ARHGAP42: variants seen among roughly 807,000 people sequenced by gnomAD.
ARHGAP42 encodes rho GTPase-activating protein 42.
In ARHGAP42, 63 loss-of-function variants were observed where a neutral mutation model predicts 125.0. That is an observed-to-expected ratio of 0.50 (90% CI 0.41 to 0.62). The LOEUF is 0.62. Among genes scored for constraint, ARHGAP42 ranks in the 20% least tolerant of loss-of-function variants. ARHGAP42 has a pLI of 0.00. For missense variants in ARHGAP42, 766 were observed against 1,024.2 expected (o/e 0.75, Z 3.44); for synonymous variants, 339 against 351.0 (o/e 0.97, Z 0.38).
At chr11:100,728,755 T>TATATATATATATATATATAC (rs1364139152) in intron 1 of ARHGAP42, among the ~76,000 whole-genome samples, 1 of 108,728 alleles carries the variant, frequency 9.2e-6, no homozygotes, top group Non-Finnish European at 2.0e-5. Flanking sequence ...TATATATATA[T>TATATATATATATATATATAC]ATGCACACTT....
At chr11:100,733,415 C>T (rs970010431) in intron 1 of ARHGAP42, among the ~76,000 whole-genome samples, 3 of 152,180 alleles carry the variant, frequency 2.0e-5, no homozygotes, top group African/African-American at 7.2e-5. Context: ...GAAAGGTTTG[C>T]AAACACTAAT....
chr11:100,732,118 C>T (rs1022790151), intron 1 of ARHGAP42, among the ~76,000 whole-genome samples: 8 of 152,096 alleles, frequency 5.3e-5, no homozygotes, highest in Admixed American at 1.3e-4. Context: ...ACCACATGCC[C>T]GGCTAATTTT....
chr11:100,688,905 T>C (rs1035349547), intron 1 of ARHGAP42, among the ~76,000 whole-genome samples: 9 of 152,116 alleles, frequency 5.9e-5, no homozygotes, highest in African/African-American at 2.2e-4. Flanking sequence ...TTGGGTGATC[T>C]AGTTACCCCC....
At chr11:100,913,288 T>G (rs1401941910) in intron 4 of ARHGAP42, among the ~76,000 whole-genome samples, 164 bp from the exon 5 acceptor site, 1 of 152,208 alleles carries the variant, frequency 6.6e-6, no homozygotes, top group Admixed American at 6.5e-5. Flanking sequence ...AAATGGCTTG[T>G]TTCACTTACA....
intron 3 of ARHGAP42, among the ~76,000 whole-genome samples, chr11:100,818,193 T>A (rs1283353429): frequency 2.6e-5 from 4 of 152,176 alleles, no homozygotes; most frequent in Admixed American, 2.0e-4. Flanking sequence ...CTTTTTTAAT[T>A]TTGTTAGCTT....
intron 10 of ARHGAP42, among the ~76,000 whole-genome samples, chr11:100,946,330 G>T (rs568453795): frequency 3.7e-4 from 57 of 152,122 alleles, no homozygotes; most frequent in Non-Finnish European, 7.4e-4. Context: ...GATTCCTAGC[G>T]TTTGTGTATT....
intron 1 of ARHGAP42, among the ~76,000 whole-genome samples, chr11:100,698,690 G>A (rs976481624): frequency 6.6e-6 from 1 of 151,986 alleles, no homozygotes; most frequent in Non-Finnish European, 1.5e-5. Context: ...TTAAAAAAAA[G>A]GGTCATTTTT....
chr11:100,898,052 G>A (rs940517034), intron 4 of ARHGAP42, among the ~76,000 whole-genome samples: 5 of 152,080 alleles, frequency 3.3e-5, no homozygotes, highest in Non-Finnish European at 7.4e-5. Flanking sequence ...CAGTATGAAG[G>A]GCTGCTGAAT....
intron 1 of ARHGAP42, among the ~76,000 whole-genome samples, chr11:100,705,454 T>G (rs958806092): frequency 2.4e-4 from 37 of 152,204 alleles, no homozygotes; most frequent in African/African-American, 8.9e-4. Flanking sequence ...TTTGTGAGTT[T>G]TTTTCTTTGT....
At chr11:100,887,274 G>T (rs1866114090) in intron 4 of ARHGAP42, among the ~76,000 whole-genome samples, 1 of 152,108 alleles carries the variant, frequency 6.6e-6, no homozygotes, top group Non-Finnish European at 1.5e-5. Flanking sequence ...TGATGAGTGA[G>T]ATCATCCTTG....
chr11:100,837,666 C>CTATTTTTTTTTTTTTT (rs1555008871), intron 3 of ARHGAP42, among the ~76,000 whole-genome samples: 67 of 61,064 alleles, frequency 1.1e-3, no homozygotes, highest in African/African-American at 4.7e-3. Context: ...AGGTGTCATC[C>CTATTTTTTTTTTTTTT]TTTTTTTTTT....
intron 3 of ARHGAP42, among the ~76,000 whole-genome samples, chr11:100,824,241 G>T (rs1479237518): frequency 6.6e-6 from 1 of 152,078 alleles, no homozygotes; most frequent in Non-Finnish European, 1.5e-5. Flanking sequence ...CAATAGCTTG[G>T]TGGCCACATC....
At chr11:100,867,389 A>G (rs530378006) in intron 4 of ARHGAP42, among the ~76,000 whole-genome samples, 4 of 152,346 alleles carry the variant, frequency 2.6e-5, no homozygotes, top group African/African-American at 7.2e-5. Flanking sequence ...TATCTTCTGG[A>G]TAACTTGCAG....
Position 100,933,240 on chromosome 11 carries a change from C to T in ARHGAP42, c.682C>T (p.Leu228=). 6.5e-7 allele frequency: 1 copy of T among 1,549,928 alleles called. No homozygotes were observed. Among genetic ancestry groups the T allele is most frequent in the Non-Finnish European group, 8.7e-7 (1 of 1,145,770 alleles). Residue 228 remains leucine (L), a synonymous_variant, in exon 7 of 24, where the codon CTG becomes TTG. Transcript: ENST00000298815. ...AQEFAPYKQQ[L]QFNLQNTRNN... Reference sequence around the variant, plus strand: ...GGAATTTGCACCGTATAAGCAACAGCTGCAGTTCAACTTGCAGAATGTAAG... The same window carrying T: ...GGAATTTGCACCGTATAAGCAACAGTTGCAGTTCAACTTGCAGAATGTAAG...
Position 100,863,123 on chromosome 11 carries a change from G to A in ARHGAP42, c.384+3498G>A, listed in dbSNP as rs1865486547. 2.0e-5 allele frequency among the ~76,000 whole-genome samples: 3 copies of A among 150,778 alleles called. No homozygotes were observed. The South Asian group carries it at 6.3e-4, about 32-fold the overall frequency. ...CATGTTCTTCTGAAATATATGTATA[G>A]ATCAATTTTCTTTTGGCATTGTGAA... On this transcript the variant is annotated intron_variant, in intron 4 of 23. Coordinates refer to ENST00000298815, the MANE Select transcript of ARHGAP42 (RefSeq NM_152432.4).
At chr11:100,870,364 T>C (rs1466577736) in intron 4 of ARHGAP42, among the ~76,000 whole-genome samples, 2 of 152,206 alleles carry the variant, frequency 1.3e-5, no homozygotes, top group African/African-American at 2.4e-5. Flanking sequence ...GTGGTGTTCT[T>C]GGTTTAAGAG....
chr11:100,946,467 T>A (rs904439811), intron 10 of ARHGAP42, among the ~76,000 whole-genome samples: 2 of 152,086 alleles, frequency 1.3e-5, no homozygotes, highest in Non-Finnish European at 2.9e-5. Flanking sequence ...TCTCACTAAG[T>A]TTGGTCATTT....
At chr11:100,911,121 C>T (rs1866903290) in intron 4 of ARHGAP42, among the ~76,000 whole-genome samples, 2 of 152,290 alleles carry the variant, frequency 1.3e-5, no homozygotes, top group African/African-American at 4.8e-5. Context: ...AGTCAGTTTT[C>T]TGTACTATAC....
At chr11:100,784,623 G>A (rs1453487982) in intron 2 of ARHGAP42, among the ~76,000 whole-genome samples, 1 of 151,518 alleles carries the variant, frequency 6.6e-6, no homozygotes, top group African/African-American at 2.4e-5. Flanking sequence ...GGATGGAAGA[G>A]AATTATGAAC....
Sources: gnomAD v4.1 joint callset for allele counts (sites outside exome capture counted in the v4.1 genomes callset) on GRCh38, gnomAD v4.1.1 for gene constraint, MANE v1.5 for transcripts, NCBI Gene and HGNC (gene_info 2026-07-23, HGNC 2026-07-21) for gene names.